SUSD4: variants seen among roughly 807,000 people sequenced by gnomAD.
The protein encoded by SUSD4 is sushi domain-containing protein 4.
A neutral mutation model predicts 50.5 loss-of-function variants in SUSD4; 41 were observed. That is an observed-to-expected ratio of 0.81 (90% CI 0.63 to 1.05). The LOEUF is 1.05. Among genes scored for constraint, SUSD4 ranks in the 50% least tolerant of loss-of-function variants. The pLI, the probability that SUSD4 is intolerant of heterozygous loss-of-function variation, is 0.00. For synonymous variants in SUSD4, 257 were observed against 257.3 expected, an observed-to-expected ratio of 1.00 and a Z score of 0.01; for missense variants, 580 against 634.7, an observed-to-expected ratio of 0.91 and a Z score of 0.93.
chr1:223,279,354 A>C (rs975414175), intron 3 of SUSD4, among the ~76,000 whole-genome samples: 2 of 152,222 alleles, frequency 1.3e-5, no homozygotes, highest in Admixed American at 6.5e-5. Context: ...TAACTAGAAT[A>C]ACCAGTGTAG....
intron 2 of SUSD4, among the ~76,000 whole-genome samples, chr1:223,316,268 G>A (rs1156677463): frequency 6.6e-6 from 1 of 152,168 alleles, no homozygotes; most frequent in Non-Finnish European, 1.5e-5. Context: ...ATCAGTTGCT[G>A]GCACAAGGCC....
At position 223,223,275 on chromosome 1, in the gene SUSD4, G is replaced by C. The variant is rs376282352; in HGVS notation, c.1418C>G (p.Thr473Ser). The stretch of plus-strand genomic sequence containing the variant: ...ATCTGCAATGTCGATGCCTGGGCTG[G>C]TGGATGCCACCTCCTCTGCCGTGCT... Reference protein sequence around the residue: ...IASTAEEVASTSPGIDIADEI... With the variant: ...IASTAEEVASSSPGIDIADEI... The change falls in exon 8 of 9, where the codon ACC becomes AGC. Residue 473 changes from threonine (T) to serine (S), a missense_variant. Thr to Ser is a moderately conservative substitution (Grantham distance 58). Transcript: ENST00000366878. 2.6e-5 allele frequency: 40 copies of C among 1,556,782 alleles called. No homozygotes were observed. The highest frequency in any genetic ancestry group is 3.4e-5 in the Non-Finnish European group (39 of 1,154,332).
intron 5 of SUSD4, among the ~76,000 whole-genome samples, chr1:223,241,081 A>G (rs1660548070): frequency 6.6e-6 from 1 of 152,150 alleles, no homozygotes; most frequent in South Asian, 2.1e-4. Flanking sequence ...TAGAGGGGGC[A>G]GGAGTTGGGT....
intron 2 of SUSD4, among the ~76,000 whole-genome samples, chr1:223,351,740 T>C (rs1011970573): frequency 1.3e-5 from 2 of 151,882 alleles, no homozygotes; most frequent in Admixed American, 1.3e-4. Context: ...TCATCCTGGG[T>C]GCATTCATTC....
intron 5 of SUSD4, among the ~76,000 whole-genome samples, chr1:223,243,527 C>T (rs968145366): frequency 4.6e-5 from 7 of 152,250 alleles, no homozygotes; most frequent in Non-Finnish European, 8.8e-5. Context: ...GCTCAGAGGG[C>T]CCCCAGGGCC....
chr1:223,292,408 A>T, intron 3 of SUSD4, 31 bp downstream of exon 3: 1 of 1,613,242 alleles, frequency 6.2e-7, no homozygotes, highest in Non-Finnish European at 8.5e-7. Context: ...GAACCACATG[A>T]GTGGCTTCCG....
intron 3 of SUSD4, among the ~76,000 whole-genome samples, chr1:223,277,718 C>A (rs1663382292): frequency 6.6e-6 from 1 of 152,196 alleles, no homozygotes; most frequent in South Asian, 2.1e-4. Flanking sequence ...AGACACTGGT[C>A]TAATTCCCAG....
At chr1:223,265,563 C>G (rs561385663) in intron 4 of SUSD4, among the ~76,000 whole-genome samples, 1 of 152,190 alleles carries the variant, frequency 6.6e-6, no homozygotes, top group Non-Finnish European at 1.5e-5. Context: ...CTGCCAGGCT[C>G]GGGACCACAC....
intron 5 of SUSD4, among the ~76,000 whole-genome samples, chr1:223,253,579 A>G (rs1377984551): frequency 6.6e-6 from 1 of 152,106 alleles, no homozygotes; most frequent in Non-Finnish European, 1.5e-5. Flanking sequence ...AACAGAGAGG[A>G]ATGACCCCAA....
rs774123367 is a variant in SUSD4 at position 223,292,479 on chromosome 1, T to C, written c.321A>G (p.Leu107=). The change falls in exon 3 of 9, where the codon CTA becomes CTG. Residue 107 remains leucine (L), a synonymous_variant. Transcript: ENST00000366878. ...TGGAATTATCACTTGGGATCCAGCC[T>C]AGGGTTCCATTAAAATGCTTCAAAC... ...RLCLKHFNGT[L]GWIPSDNSIC... 6.2e-7 allele frequency: 1 copy of C among 1,614,168 alleles called. No homozygotes were observed. Among genetic ancestry groups the C allele is most frequent in the Non-Finnish European group, 8.5e-7 (1 of 1,180,024 alleles).
intron 3 of SUSD4, among the ~76,000 whole-genome samples, chr1:223,284,226 A>G (rs1241973606): frequency 1.3e-5 from 2 of 152,256 alleles, no homozygotes; most frequent in Non-Finnish European, 2.9e-5. Context: ...AACTTAAAGT[A>G]TAATAATAAA....
chr1:223,294,258 T>A (rs2103156349), intron 2 of SUSD4, among the ~76,000 whole-genome samples: 1 of 152,332 alleles, frequency 6.6e-6, no homozygotes, highest in East Asian at 1.9e-4. Flanking sequence ...CAGGACAGGC[T>A]GGACACCATC....
At chr1:223,306,773 A>G (rs375434040) in intron 2 of SUSD4, among the ~76,000 whole-genome samples, 45 of 151,294 alleles carry the variant, frequency 3.0e-4, no homozygotes, top group African/African-American at 1.1e-3. Context: ...GATTACAGGC[A>G]TAAGCCACCA....
In SUSD4 at chr1:223,227,582, C is replaced by T. The variant is rs773103674; in HGVS notation, c.1061+12G>A. On this transcript the variant is annotated intron_variant, in intron 7 of 8. Transcript: ENST00000366878. This position sits in a 1 kb window ranked among gnomAD's most constrained non-coding sequence, Gnocchi z 4.5. ...AGACCTTGAGCCACAGCTGCCAAGA[C>T]ATGACACTGACCTGGGGGGAAAGTG... The T allele has an allele frequency of 6.2e-7, 1 of 1,612,266 alleles. No individual in the cohort carries two copies. Among genetic ancestry groups the T allele is most frequent in the Non-Finnish European group, 8.5e-7 (1 of 1,178,584 alleles).
chr1:223,256,703 G>A (rs1358365115), intron 5 of SUSD4, among the ~76,000 whole-genome samples: 15 of 152,186 alleles, frequency 9.9e-5, no homozygotes, highest in Admixed American at 2.0e-4. Context: ...CAAAGAATCT[G>A]ACCACCAGGA....
chr1:223,244,681 A>C (rs1660802847), intron 5 of SUSD4, among the ~76,000 whole-genome samples: 1 of 151,358 alleles, frequency 6.6e-6, no homozygotes, highest in South Asian at 2.1e-4. Flanking sequence ...GTGTAGGCTC[A>C]GGTGTTGTTT....
At chr1:223,309,765 C>T (rs1159043249) in intron 2 of SUSD4, among the ~76,000 whole-genome samples, 1 of 152,196 alleles carries the variant, frequency 6.6e-6, no homozygotes, top group Non-Finnish European at 1.5e-5. Context: ...AAGATGCATT[C>T]CACCAGAAGA....
chr1:223,223,262 G>A lies in SUSD4; in HGVS notation c.1431C>T (p.Ile477=), dbSNP rs770906766. The A allele has an allele frequency of 1.2e-4, 186 of 1,542,676 alleles. No individual in the cohort carries two copies. Among genetic ancestry groups the A allele is most frequent in the Non-Finnish European group, 1.4e-4 (163 of 1,148,780 alleles). ...GCAAGCACTTACCATCTGCAATGTC[G>A]ATGCCTGGGCTGGTGGATGCCACCT... ...AEEVASTSPG[I]DIADEIPLME... The change falls in exon 8 of 9, where the codon ATC becomes ATT. Residue 477 remains isoleucine (I), a synonymous_variant. Coordinates refer to ENST00000366878, the MANE Select transcript of SUSD4 (RefSeq NM_017982.4).
intron 3 of SUSD4, among the ~76,000 whole-genome samples, chr1:223,272,792 C>G (rs935302380): frequency 1.3e-5 from 2 of 152,140 alleles, no homozygotes; most frequent in African/African-American, 4.8e-5. Context: ...TTTATTCATC[C>G]AGCTGTTCAT....
Sources: allele counts gnomAD v4.1 joint callset (sites outside exome capture counted in the v4.1 genomes callset), GRCh38; gene constraint gnomAD v4.1.1; non-coding constraint Gnocchi (gnomAD v3.1); transcripts MANE v1.5; gene names NCBI Gene and HGNC (gene_info 2026-07-23, HGNC 2026-07-21).